MAP3K9: variants seen among roughly 807,000 people sequenced by gnomAD.
MAP3K9 encodes mitogen-activated protein kinase kinase kinase 9, also known as mixed lineage kinase 1 (tyr and ser/thr specificity).
In MAP3K9, 46 loss-of-function variants were observed where a neutral mutation model predicts 95.8. The ratio of observed to expected loss-of-function variants is 0.48; its 90% CI spans 0.38 to 0.61. The LOEUF (loss-of-function observed/expected upper bound fraction) is 0.61. Among genes scored for constraint, MAP3K9 ranks in the 20% least tolerant of loss-of-function variants. The pLI, the probability that MAP3K9 is intolerant of heterozygous loss-of-function variation, is 0.00. For missense variants in MAP3K9, 1,296 were observed against 1,474.3 expected (o/e 0.88, Z 1.98); for synonymous variants, 533 against 593.8 (o/e 0.90, Z 1.49).
At chr14:70,731,348 C>T (rs1172250550) in intron 11 of MAP3K9, among the ~76,000 whole-genome samples, 1 of 152,054 alleles carries the variant, frequency 6.6e-6, no homozygotes, top group Non-Finnish European at 1.5e-5. Flanking sequence ...ACTTGGGAGG[C>T]TGAGGCAAGA....
chr14:70,764,860 A>C (rs533235204), intron 2 of MAP3K9, among the ~76,000 whole-genome samples: 1 of 152,284 alleles, frequency 6.6e-6, no homozygotes, highest in Non-Finnish European at 1.5e-5. Flanking sequence ...CAACAAAAAA[A>C]AAGTAAATAG....
rs143332721 is a variant in MAP3K9 at position 70,742,505 on chromosome 14, C to T, written c.1413G>A (p.Glu471=). The change falls in exon 6 of 12, where the codon GAG becomes GAA. Residue 471 remains glutamate, a synonymous_variant. Transcript: ENST00000554752. Reference sequence around the variant, plus strand: ...GGATGTCAATCTCCCGCTCGGCCAGCTCCTGCTCCCGACGCCGCAGCAGTT... The same window carrying T: ...GGATGTCAATCTCCCGCTCGGCCAGTTCCTGCTCCCGACGCCGCAGCAGTT... The part of the protein sequence containing the change: ...QEELLRRREQ[E]LAEREIDILE... 1.9e-5 allele frequency: 31 copies of T among 1,614,146 alleles called. No individual in the cohort carries two copies. The African/African-American group carries it at 3.3e-4, about 17-fold the overall frequency.
intron 8 of MAP3K9, among the ~76,000 whole-genome samples, chr14:70,737,474 T>C (rs1462775578): frequency 6.6e-6 from 1 of 152,144 alleles, no homozygotes; most frequent in South Asian, 2.1e-4. Flanking sequence ...GAACCCAGAC[T>C]CAGGGGAGAA....
At chr14:70,796,154 C>G (rs551593805) in intron 2 of MAP3K9, among the ~76,000 whole-genome samples, 7 of 152,310 alleles carry the variant, frequency 4.6e-5, no homozygotes, top group African/African-American at 1.7e-4. Context: ...ATCTACCTGC[C>G]CCCAAAAGGA....
intron 2 of MAP3K9, among the ~76,000 whole-genome samples, chr14:70,781,489 T>A (rs1013538726): frequency 1.3e-5 from 2 of 152,216 alleles, no homozygotes; most frequent in African/African-American, 2.4e-5. Flanking sequence ...CAAGTCTCCA[T>A]GAGCTTAATA....
chr14:70,761,343 G>A (rs1343847614), intron 2 of MAP3K9, among the ~76,000 whole-genome samples, 161 bp from the exon 3 acceptor site: 9 of 152,148 alleles, frequency 5.9e-5, no homozygotes, highest in Non-Finnish European at 1.3e-4. Flanking sequence ...AACACCTACA[G>A]TGCATCCATT....
intron 2 of MAP3K9, 100 bp from the exon 3 acceptor site, chr14:70,761,282 G>T: frequency 1.0e-6 from 1 of 980,064 alleles, no homozygotes; most frequent in Non-Finnish European, 1.5e-6. Context: ...CTCTCCTGTG[G>T]GCTCCAGCAT....
intron 2 of MAP3K9, among the ~76,000 whole-genome samples, chr14:70,796,651 C>T (rs78395529): frequency 5.3e-5 from 8 of 152,310 alleles, no homozygotes; most frequent in Non-Finnish European, 5.9e-5. Context: ...CCATGCTGGA[C>T]TTCCGGGAGA....
At chr14:70,752,488 T>G (rs2054242827) in intron 3 of MAP3K9, among the ~76,000 whole-genome samples, 1 of 152,136 alleles carries the variant, frequency 6.6e-6, no homozygotes, top group Admixed American at 6.5e-5. Context: ...ACTATTACAC[T>G]TCCTGACAAA....
intron 2 of MAP3K9, among the ~76,000 whole-genome samples, chr14:70,761,978 G>A (rs1215919106): frequency 6.6e-6 from 1 of 152,054 alleles, no homozygotes; most frequent in Non-Finnish European, 1.5e-5. Context: ...AATTTACCTA[G>A]TCTGAATACT....
At chr14:70,793,324 A>G (rs1013426955) in intron 2 of MAP3K9, among the ~76,000 whole-genome samples, 10 of 152,228 alleles carry the variant, frequency 6.6e-5, no homozygotes, top group Admixed American at 2.0e-4. Flanking sequence ...TCCAGCATCC[A>G]AAACAGGTGG....
chr14:70,782,456 A>G (rs992817394), intron 2 of MAP3K9, among the ~76,000 whole-genome samples: 1 of 152,188 alleles, frequency 6.6e-6, no homozygotes, highest in African/African-American at 2.4e-5. Flanking sequence ...AAGCGGTACA[A>G]GCCACCACAG....
chr14:70,736,194 T>A lies in MAP3K9; in HGVS notation c.1845-165A>T, dbSNP rs1026317224. Among the ~76,000 whole-genome samples, 5 of 152,172 alleles carry A rather than the reference T, an allele frequency of 3.3e-5. No homozygotes were observed. In the East Asian group the frequency reaches 9.6e-4, roughly 29 times the overall value. ...TGAAAGAATCTTAACAAGATGGTCC[T>A]GTTTAAGCCAAGACAGGCCCAGGAC... On this transcript the variant is annotated intron_variant, in intron 8 of 11. Transcript: ENST00000554752.
intron 2 of MAP3K9, among the ~76,000 whole-genome samples, chr14:70,772,204 T>C (rs919453948): frequency 5.3e-5 from 8 of 152,238 alleles, no homozygotes; most frequent in African/African-American, 1.9e-4. Context: ...CGGGTTCCAC[T>C]GGCACAACCA....
In MAP3K9 at chr14:70,723,487, ACTC is replaced by A. The variant is rs770807583; in HGVS notation, c.*6890_*6892del. 1 of 151,958 alleles carries A rather than the reference ACTC, an allele frequency of 6.6e-6. No individual in the cohort carries two copies. Among genetic ancestry groups the A allele is most frequent in the Non-Finnish European group, 1.5e-5 (1 of 68,008 alleles). The allele number at this position is 151,958 out of a possible 1,614,324, so 9.4% of individuals were successfully genotyped here. A position where few individuals can be genotyped will look rare whatever the true frequency, so the allele number is the denominator to read the frequency against. ...AGATGACAGGTGAGCCAAGGACACA[ACTC>A]CTCCTTGGGCAAAGGGCAATCTCAA... On this transcript the variant is annotated 3_prime_UTR_variant, in exon 12 of 12. Transcript: ENST00000554752.
In MAP3K9 at chr14:70,776,592, G is replaced by C. The variant is rs567509326; in HGVS notation, c.821-15410C>G. Among the ~76,000 whole-genome samples the C allele has an allele frequency of 7.2e-5, 11 of 152,174 alleles. No homozygotes were observed. In the South Asian group the frequency reaches 2.1e-3, roughly 29 times the overall value. On this transcript the variant is annotated intron_variant, in intron 2 of 11. Transcript: ENST00000554752. ...CAAGTGTGAGAAAAAAACTAATAAA[G>C]CAAAGGAATCCCTACGATCTTAAAG...
chr14:70,772,016 C>G (rs528120157), intron 2 of MAP3K9, among the ~76,000 whole-genome samples: 1 of 152,214 alleles, frequency 6.6e-6, no homozygotes, highest in Middle Eastern at 3.2e-3. Flanking sequence ...GGGCTCTGCC[C>G]GCTCTGTCTC....
intron 2 of MAP3K9, among the ~76,000 whole-genome samples, chr14:70,771,942 G>A (rs543381545): frequency 6.6e-6 from 1 of 152,336 alleles, no homozygotes; most frequent in African/African-American, 2.4e-5. Context: ...AGCCTGACTC[G>A]TGGACCACTA....
chr14:70,750,840 A>T (rs1042604935), intron 3 of MAP3K9, among the ~76,000 whole-genome samples: 3 of 152,204 alleles, frequency 2.0e-5, no homozygotes, highest in Non-Finnish European at 4.4e-5. Context: ...CCTCCCAAGT[A>T]TAATTTTTTT....
Sources: allele counts gnomAD v4.1 joint callset (sites outside exome capture counted in the v4.1 genomes callset), GRCh38; gene constraint gnomAD v4.1.1; transcripts MANE v1.5; gene names NCBI Gene and HGNC (gene_info 2026-07-23, HGNC 2026-07-21).